The following ZC3H12B variants were observed in gnomAD, a reference collection of about 807,000 sequenced individuals.
The protein encoded by ZC3H12B is probable ribonuclease ZC3H12B.
In ZC3H12B, 7 loss-of-function variants were observed where a neutral mutation model predicts 43.9. That is an observed-to-expected ratio of 0.16 (90% confidence interval 0.09 to 0.30). The LOEUF is 0.30. Among genes scored for constraint, ZC3H12B ranks in the 10% least tolerant of loss-of-function variants. The pLI, the probability that ZC3H12B is intolerant of heterozygous loss-of-function variation, is 1.00. For missense variants in ZC3H12B, 475 were observed against 670.2 expected (o/e 0.71, Z 3.22); for synonymous variants, 222 against 241.7 (o/e 0.92, Z 0.76).
At chrX:65,269,164 G>T in the ZC3H12B span, among the ~76,000 whole-genome samples, 3 of 110,343 alleles carry the variant, frequency 2.7e-5, no homozygotes, top group African/African-American at 9.9e-5. Flanking sequence ...GGCCAACATG[G>T]TGAAACCCCA....
chrX:65,145,044 C>T, the ZC3H12B span, among the ~76,000 whole-genome samples: 1 of 111,251 alleles, frequency 9.0e-6, no homozygotes, highest in African/African-American at 3.3e-5. Flanking sequence ...TTCTTGATGA[C>T]CTCTCTAGTG....
At chrX:65,246,163 T>C in the ZC3H12B span, among the ~76,000 whole-genome samples, 6 of 111,582 alleles carry the variant, frequency 5.4e-5, no homozygotes, top group South Asian at 1.5e-3. Flanking sequence ...CCATTCATAA[T>C]TGCCACAAAA....
At chrX:65,374,024 ATATATATAACTATATATACAG>A (rs1340336188) in intron 2 of ZC3H12B, among the ~76,000 whole-genome samples, 5 of 59,405 alleles carry the variant, frequency 8.4e-5, no homozygotes, top group African/African-American at 4.0e-4. Context: ...TATATACAGT[ATATATATAACTATATATACAG>A]TATATATAAC....
At chrX:65,336,449 C>T in the ZC3H12B span, among the ~76,000 whole-genome samples, 493 of 110,230 alleles carry the variant, frequency 4.5e-3, 4 homozygotes, top group African/African-American at 0.016. Flanking sequence ...TTAACATTTT[C>T]CACTCCAGCC....
the ZC3H12B span, among the ~76,000 whole-genome samples, chrX:65,074,128 A>T: frequency 9.0e-6 from 1 of 110,498 alleles, no homozygotes; most frequent in South Asian, 3.8e-4. Flanking sequence ...TTTCATATCA[A>T]CTTCAAAGGA....
the ZC3H12B span, among the ~76,000 whole-genome samples, chrX:65,286,781 C>A: frequency 9.1e-6 from 1 of 109,329 alleles, no homozygotes; most frequent in Non-Finnish European, 1.9e-5. Context: ...ATGCTGCTCA[C>A]AAAAAAACTG....
the ZC3H12B span, among the ~76,000 whole-genome samples, chrX:65,192,120 A>T: frequency 1.8e-5 from 2 of 109,327 alleles, no homozygotes; most frequent in African/African-American, 6.7e-5. Context: ...TTTGAGTGAG[A>T]TTCTTAATCC....
chrX:65,144,874 G>A, the ZC3H12B span, among the ~76,000 whole-genome samples: 1 of 111,610 alleles, frequency 9.0e-6, no homozygotes, highest in Non-Finnish European at 1.9e-5. Flanking sequence ...ATTCAGGTTT[G>A]TTTTGTGGCC....
the ZC3H12B span, among the ~76,000 whole-genome samples, chrX:65,259,298 A>C: frequency 1.8e-5 from 2 of 112,233 alleles, no homozygotes; most frequent in African/African-American, 6.5e-5. Context: ...AAGCCAATGA[A>C]AACAAGCAAT....
chrX:65,058,643 C>T, the ZC3H12B span, among the ~76,000 whole-genome samples: 1 of 112,253 alleles, frequency 8.9e-6, no homozygotes, highest in African/African-American at 3.2e-5. Flanking sequence ...GTTTCTGCTG[C>T]CTTTTGTTCG....
chrX:65,371,472 A>T (rs1202972324), intron 2 of ZC3H12B, among the ~76,000 whole-genome samples: 1 of 111,549 alleles, frequency 9.0e-6, no homozygotes, highest in Non-Finnish European at 1.9e-5. Context: ...TATTTTATCC[A>T]GGCTTAGAAT....
chrX:65,218,428 C>T, the ZC3H12B span, among the ~76,000 whole-genome samples: 3 of 112,012 alleles, frequency 2.7e-5, no homozygotes, highest in East Asian at 5.7e-4. Flanking sequence ...AAGTTCTCAG[C>T]CCTGCTCACT....
At chrX:65,407,971 C>T (rs2066855647) in intron 3 of ZC3H12B, 2 of 951,907 alleles carry the variant, frequency 2.1e-6, no homozygotes, top group South Asian at 5.0e-5. Flanking sequence ...GGCCACCTCG[C>T]TCCCCGCTTC....
chrX:65,099,099 C>T, the ZC3H12B span, among the ~76,000 whole-genome samples: 1 of 111,152 alleles, frequency 9.0e-6, no homozygotes, highest in African/African-American at 3.3e-5. Flanking sequence ...CATGACCTTG[C>T]TAAGGACTGG....
At chrX:65,141,313 T>G in the ZC3H12B span, among the ~76,000 whole-genome samples, 1 of 110,201 alleles carries the variant, frequency 9.1e-6, no homozygotes, top group Non-Finnish European at 1.9e-5. Flanking sequence ...GATGCATTTT[T>G]GTTCAGGAGC....
chrX:65,088,049 A>T, the ZC3H12B span, among the ~76,000 whole-genome samples: 2 of 111,987 alleles, frequency 1.8e-5, no homozygotes, highest in African/African-American at 6.5e-5. Context: ...GTTTAAAAAT[A>T]TTTGGAAACC....
chrX:65,424,175 G>C (rs1321685329), intron 3 of ZC3H12B, among the ~76,000 whole-genome samples: 1 of 111,727 alleles, frequency 9.0e-6, no homozygotes, highest in African/African-American at 3.3e-5. Flanking sequence ...AATGTGAGAT[G>C]GTATCTCATT....
chrX:65,214,114 T>A, the ZC3H12B span, among the ~76,000 whole-genome samples: 5 of 111,296 alleles, frequency 4.5e-5, no homozygotes, highest in African/African-American at 1.6e-4. Context: ...CAGTCTTCAG[T>A]GAGTTGTAAT....
the ZC3H12B span, among the ~76,000 whole-genome samples, chrX:65,301,431 C>G: frequency 2.7e-5 from 3 of 110,704 alleles, no homozygotes; most frequent in Non-Finnish European, 5.7e-5. Flanking sequence ...GGAACCAGCT[C>G]AAATGCCCAT....
Sources: gnomAD v4.1 joint callset for allele counts (sites outside exome capture counted in the v4.1 genomes callset) on GRCh38, gnomAD v4.1.1 for gene constraint, MANE v1.5 for transcripts, NCBI Gene and HGNC (gene_info 2026-07-23, HGNC 2026-07-21) for gene names.